Variants in B3GALT1 observed in about 807,000 individuals in gnomAD.
B3GALT1 encodes UDP-Gal:betaGlcNAc beta 1,3-galactosyltransferase, polypeptide 1.
A neutral mutation model predicts 23.2 loss-of-function variants in B3GALT1; 10 were observed. The ratio of observed to expected loss-of-function variants is 0.43; its 90% CI spans 0.27 to 0.73. The LOEUF is 0.73. Among genes scored for constraint, B3GALT1 ranks in the 30% least tolerant of loss-of-function variants. The pLI is 0.21. For synonymous variants in B3GALT1, 156 were observed against 141.5 expected (o/e 1.10, Z -0.73); for missense variants, 299 against 405.4 (o/e 0.74, Z 2.25).
At chr2:167,564,715 AACAG>A (rs1684119228) in intron 2 of B3GALT1, among the ~76,000 whole-genome samples, 1 of 152,218 alleles carries the variant, frequency 6.6e-6, no homozygotes. Context: ...ATACACCAAT[AACAG>A]ACAGACAGCC....
intron 1 of B3GALT1, among the ~76,000 whole-genome samples, chr2:167,429,596 C>A (rs907221118): frequency 6.6e-6 from 1 of 151,944 alleles, no homozygotes; most frequent in African/African-American, 2.4e-5. Context: ...AAAAAATAAG[C>A]ACAATGGCCA....
At chr2:167,610,467 A>C (rs1290055805) in intron 2 of B3GALT1, among the ~76,000 whole-genome samples, 3 of 152,104 alleles carry the variant, frequency 2.0e-5, no homozygotes, top group African/African-American at 4.8e-5. Flanking sequence ...TTCAGTTAAT[A>C]GTTTCAAAAT....
chr2:167,314,255 A>G (rs961705911), intron 1 of B3GALT1, among the ~76,000 whole-genome samples: 2 of 152,170 alleles, frequency 1.3e-5, no homozygotes, highest in Non-Finnish European at 2.9e-5. Context: ...AGAGTCTCCC[A>G]TAAGGGGAAA....
intron 1 of B3GALT1, among the ~76,000 whole-genome samples, chr2:167,335,830 A>G (rs990530862): frequency 1.3e-5 from 2 of 152,056 alleles, no homozygotes; most frequent in Non-Finnish European, 1.5e-5. Context: ...CAGACCTCCA[A>G]TCTCATCCTA....
rs112696757 is a variant in B3GALT1, at chr2:167,475,599, G to C, written c.-510-14578G>C. Among the ~76,000 whole-genome samples, 47 of 152,212 alleles carry C rather than the reference G, an allele frequency of 3.1e-4. 1 individual carries two copies. The highest frequency in any genetic ancestry group is 5.1e-4 in the Non-Finnish European group (35 of 68,010). ...TACAAAAGATACAGCCACAGTGCCTGATAAGCACTTGGTTAAGATGGAAAA... is the reference window on the plus strand; with the variant it reads ...TACAAAAGATACAGCCACAGTGCCTCATAAGCACTTGGTTAAGATGGAAAA... On this transcript the variant is annotated intron_variant, in intron 1 of 4. Coordinates refer to ENST00000392690, the MANE Select transcript of B3GALT1 (RefSeq NM_020981.4).
rs574171025 is a variant in B3GALT1, at chr2:167,295,806, G to A, written c.-511+2472G>A. 5.0e-3 allele frequency among the ~76,000 whole-genome samples: 742 copies of A among 148,908 alleles called. 2 individuals carry two copies. The highest frequency in any genetic ancestry group is 9.1e-3 in the Non-Finnish European group (612 of 67,302). On this transcript the variant is annotated intron_variant, in intron 1 of 4. Transcript: ENST00000392690. ...GTGTGTGTGTGTGTGTGTGTGTATG[G>A]AACTTTTACTTGGAGGAAATCTTTT...
At chr2:167,469,441 C>T (rs377319506) in intron 1 of B3GALT1, among the ~76,000 whole-genome samples, 36 of 152,158 alleles carry the variant, frequency 2.4e-4, no homozygotes, top group Admixed American at 1.4e-3. Context: ...AAAATTTGGA[C>T]TATGAAATTT....
intron 1 of B3GALT1, among the ~76,000 whole-genome samples, chr2:167,362,039 A>G (rs1039395835): frequency 6.6e-6 from 1 of 152,092 alleles, no homozygotes; most frequent in Non-Finnish European, 1.5e-5. Context: ...ACACCACTGC[A>G]CTCCAGCCTG....
chr2:167,823,388 A>C lies in B3GALT1; in HGVS notation c.-230+4595A>C, dbSNP rs373773824. ...AAAAAATCATTCTTAACTGTGTGTA[A>C]AATTAAACTGAGTTGGTGCCTCATT... On this transcript the variant is annotated intron_variant, in intron 4 of 4. Coordinates refer to ENST00000392690, the MANE Select transcript of B3GALT1 (RefSeq NM_020981.4). Among the ~76,000 whole-genome samples the C allele has an allele frequency of 1.1e-4, 16 of 152,300 alleles. 1 individual carries two copies. In the South Asian group the frequency reaches 3.1e-3, roughly 30 times the overall value.
chr2:167,830,417 G>A (rs1376290521), intron 4 of B3GALT1, among the ~76,000 whole-genome samples: 2 of 151,890 alleles, frequency 1.3e-5, no homozygotes, highest in Non-Finnish European at 2.9e-5. Flanking sequence ...AAGGAGACGT[G>A]CAAATGTTCC....
At chr2:167,392,753 C>A (rs1403303489) in intron 1 of B3GALT1, among the ~76,000 whole-genome samples, 1 of 152,008 alleles carries the variant, frequency 6.6e-6, no homozygotes, top group Non-Finnish European at 1.5e-5. Context: ...AACTTAAAGA[C>A]AATAGCAGAA....
chr2:167,526,668 A>G (rs111292634), intron 2 of B3GALT1, among the ~76,000 whole-genome samples: 1 of 152,334 alleles, frequency 6.6e-6, no homozygotes, highest in Non-Finnish European at 1.5e-5. Context: ...CATGCATAGG[A>G]GTGCTTACAG....
intron 1 of B3GALT1, among the ~76,000 whole-genome samples, chr2:167,332,652 G>A (rs970656696): frequency 1.3e-5 from 2 of 152,252 alleles, no homozygotes; most frequent in South Asian, 2.1e-4. Context: ...ATCAGAAACC[G>A]CAGATGTGTG....
At chr2:167,665,715 T>C (rs1205904824) in intron 3 of B3GALT1, among the ~76,000 whole-genome samples, 2 of 152,222 alleles carry the variant, frequency 1.3e-5, no homozygotes, top group Non-Finnish European at 2.9e-5. Context: ...TCGAGGAATT[T>C]ATCCATTTCT....
At chr2:167,346,754 GGT>G (rs1461490595) in intron 1 of B3GALT1, among the ~76,000 whole-genome samples, 4 of 150,106 alleles carry the variant, frequency 2.7e-5, no homozygotes, top group Non-Finnish European at 6.0e-5. Context: ...GTGGGGGGGG[GGT>G]GGTGCGTGTG....
intron 2 of B3GALT1, among the ~76,000 whole-genome samples, chr2:167,534,254 G>A (rs550020381): frequency 1.3e-5 from 2 of 152,200 alleles, no homozygotes; most frequent in South Asian, 4.1e-4. Flanking sequence ...TCATGTTGAT[G>A]TAGGTTGGAC....
chr2:167,393,494 C>T (rs1698051739), intron 1 of B3GALT1, among the ~76,000 whole-genome samples: 1 of 152,022 alleles, frequency 6.6e-6, no homozygotes, highest in Non-Finnish European at 1.5e-5. Context: ...GAAACAAAGA[C>T]ATATTAGAAA....
intron 1 of B3GALT1, among the ~76,000 whole-genome samples, chr2:167,319,075 A>T (rs1696762883): frequency 6.6e-6 from 1 of 152,128 alleles, no homozygotes; most frequent in Non-Finnish European, 1.5e-5. Flanking sequence ...TCAGCATTAG[A>T]CACCATTGTC....
At chr2:167,707,002 A>G (rs918464915) in intron 3 of B3GALT1, among the ~76,000 whole-genome samples, 6 of 152,174 alleles carry the variant, frequency 3.9e-5, no homozygotes, top group African/African-American at 1.4e-4. Flanking sequence ...TGATTTTGCA[A>G]TCATCTTGCA....
Sources: gnomAD v4.1 joint callset for allele counts (sites outside exome capture counted in the v4.1 genomes callset) on GRCh38, gnomAD v4.1.1 for gene constraint, MANE v1.5 for transcripts, NCBI Gene and HGNC (gene_info 2026-07-23, HGNC 2026-07-21) for gene names.